OSCP1: variants seen among roughly 807,000 people sequenced by gnomAD.
The protein encoded by OSCP1 is organic solute carrier partner 1.
A neutral mutation model predicts 45.1 loss-of-function variants in OSCP1; 35 were observed. The ratio of observed to expected loss-of-function variants is 0.78; its 90% confidence interval spans 0.59 to 1.03. OSCP1 has a LOEUF of 1.03. Ranked by LOEUF, OSCP1 falls within the 50% of genes least tolerant of loss-of-function variation. The probability of loss-of-function intolerance (pLI) is 0.00; values close to 1 mark genes in which losing one functional copy is unlikely to be tolerated. For missense variants in OSCP1, 400 were observed against 470.7 expected, an observed-to-expected ratio of 0.85 and a Z score of 1.39; for synonymous variants, 179 against 180.1, an observed-to-expected ratio of 0.99 and a Z score of 0.05.
chr1:36,421,286 T>C (rs1219615867), intron 7 of OSCP1, among the ~76,000 whole-genome samples: 4 of 152,252 alleles, frequency 2.6e-5, no homozygotes, highest in African/African-American at 9.6e-5. Context: ...TCCATGATAC[T>C]GTGATCCGTT....
chr1:36,432,605 C>G lies in OSCP1; in HGVS notation c.268-16G>C. On this transcript the variant is annotated splice_polypyrimidine_tract_variant and intron_variant, in intron 2 of 9. Transcript: ENST00000235532. ...GGTCATAGAGCTGCCAACCCACACA[C>G]AAGCAAAAGAAATGGGATCATATCA... 3 of 1,614,026 alleles carry G rather than the reference C, an allele frequency of 1.9e-6. No homozygotes were observed. Among genetic ancestry groups the G allele is most frequent in the Non-Finnish European group, 2.5e-6 (3 of 1,179,962 alleles).
chr1:36,422,094 A>G, intron 7 of OSCP1, 56 bp downstream of exon 7: 1 of 1,520,878 alleles, frequency 6.6e-7, no homozygotes, highest in Non-Finnish European at 9.1e-7. Context: ...CTCTTTATGT[A>G]GACTTCCGTA....
At chr1:36,424,142 C>T (rs1301704071) in intron 4 of OSCP1, among the ~76,000 whole-genome samples, 1 of 151,964 alleles carries the variant, frequency 6.6e-6, no homozygotes, top group Non-Finnish European at 1.5e-5. Context: ...GATGGGTTTT[C>T]GCCATGTTGG....
intron 6 of OSCP1, 80 bp from the exon 7 acceptor site, chr1:36,422,299 G>T: frequency 7.6e-7 from 1 of 1,323,406 alleles, no homozygotes; most frequent in Non-Finnish European, 1.1e-6. Context: ...ATAGTTTGTA[G>T]CTTTTATTCT....
At chr1:36,445,307 G>A (rs773697524) in intron 1 of OSCP1, among the ~76,000 whole-genome samples, 17 of 150,124 alleles carry the variant, frequency 1.1e-4, no homozygotes, top group Non-Finnish European at 1.9e-4. Context: ...TGGAGACTAC[G>A]CCACTGGGCG....
intron 8 of OSCP1, among the ~76,000 whole-genome samples, chr1:36,419,977 CTTT>C (rs56851568): frequency 1.5e-5 from 2 of 136,226 alleles, no homozygotes; most frequent in Non-Finnish European, 1.6e-5. Flanking sequence ...CACACCGTCT[CTTT>C]TTTTTTTTTT....
chr1:36,449,951 A>G lies in OSCP1; in HGVS notation c.112+307T>C, dbSNP rs116464789. ...TAGATGGTGGGCAGCTGGGACTCCT[A>G]CATTTGGAAGGCACTGATTGACAAG... On this transcript the variant is annotated intron_variant, in intron 1 of 9. Transcript: ENST00000235532. Among the ~76,000 whole-genome samples the G allele has an allele frequency of 6.2e-3, 907 of 146,768 alleles. 8 individuals are homozygous for G. The highest frequency in any genetic ancestry group is 9.4e-3 in the Non-Finnish European group (634 of 67,276).
intron 1 of OSCP1, among the ~76,000 whole-genome samples, chr1:36,448,962 G>A (rs1055036483): frequency 3.3e-5 from 5 of 152,168 alleles, no homozygotes; most frequent in African/African-American, 9.7e-5. Context: ...GCTCATTGGC[G>A]GCAATGTGCA....
intron 9 of OSCP1, 98 bp from the exon 10 acceptor site, chr1:36,418,353 ATGTT>A: frequency 1.0e-6 from 1 of 966,840 alleles, no homozygotes; most frequent in Non-Finnish European, 1.6e-6. Flanking sequence ...CATGACTGAT[ATGTT>A]TCAGTTGCGC....
At chr1:36,423,771 G>A (rs1158497232) in intron 4 of OSCP1, among the ~76,000 whole-genome samples, 2 of 152,052 alleles carry the variant, frequency 1.3e-5, no homozygotes, top group Admixed American at 6.5e-5. Context: ...CTACTCAGGA[G>A]GCTGAGGCAG....
At chr1:36,450,127 T>G in intron 1 of OSCP1, 131 bp downstream of exon 1, 1 of 726,010 alleles carries the variant, frequency 1.4e-6, no homozygotes, top group Non-Finnish European at 2.3e-6. Context: ...TGGATGTGGC[T>G]TGTAAGAAAG....
In OSCP1 at chr1:36,418,078, T is replaced by TCCC. The variant is rs1340168992; in HGVS notation, c.*58_*60dup. On this transcript the variant is annotated 3_prime_UTR_variant, in exon 10 of 10. Coordinates refer to ENST00000235532, the MANE Select transcript of OSCP1 (RefSeq NM_145047.5). ...AGCATCATTCTGGGCCATGGGGCATTCCCCAGGGGTCACCATCCAGCAGCC... is the reference window on the plus strand; with the variant it reads ...AGCATCATTCTGGGCCATGGGGCATTCCCCCCCAGGGGTCACCATCCAGCAGCC... The TCCC allele has an allele frequency of 1.5e-6, 2 of 1,374,944 alleles. No homozygotes were observed. The highest frequency in any genetic ancestry group is 2.1e-6 in the Non-Finnish European group (2 of 974,124). The allele number at this position is 1,374,944 out of a possible 1,614,324, so 85.2% of individuals were successfully genotyped here. A position where few individuals can be genotyped will look rare whatever the true frequency, so the allele number is the denominator to read the frequency against.
chr1:36,428,235 T>G, intron 4 of OSCP1: 7 of 1,410,966 alleles, frequency 5.0e-6, no homozygotes, highest in Non-Finnish European at 6.5e-6. Context: ...GCATCAGAAT[T>G]GAAATCTATT....
At position 36,449,835 on chromosome 1, in the gene OSCP1, C is replaced by CAAAAAAAAAAAAA. The variant is rs67376533; in HGVS notation, c.112+410_112+422dup. Among the ~76,000 whole-genome samples, 9 of 20,332 alleles carry CAAAAAAAAAAAAA rather than the reference C, an allele frequency of 4.4e-4. 2 individuals are homozygous for CAAAAAAAAAAAAA. The highest frequency in any genetic ancestry group is 8.7e-4 in the African/African-American group (4 of 4,594). The allele number at this position is 20,332 out of a possible 152,430, so 13.3% of individuals were successfully genotyped here. ...TGGGCGACAGAGCGAGACCCTGTCT[C>CAAAAAAAAAAAAA]AAAAAAAAAAAAAAAAAAAAAAAAA... On this transcript the variant is annotated intron_variant, in intron 1 of 9. Transcript: ENST00000235532.
intron 4 of OSCP1, among the ~76,000 whole-genome samples, chr1:36,430,587 T>C (rs576158840): frequency 3.9e-5 from 6 of 151,914 alleles, no homozygotes; most frequent in South Asian, 4.2e-4. Flanking sequence ...CTGGGAAACA[T>C]AGTAAGACAC....
intron 2 of OSCP1, among the ~76,000 whole-genome samples, chr1:36,436,452 G>C (rs1055180521): frequency 2.0e-5 from 3 of 151,978 alleles, no homozygotes; most frequent in Non-Finnish European, 4.4e-5. Flanking sequence ...TGTTGCCAAG[G>C]CTGGTCTTGA....
intron 3 of OSCP1, 74 bp downstream of exon 3, chr1:36,432,348 G>A (rs1648421144): frequency 6.6e-7 from 1 of 1,513,972 alleles, no homozygotes; most frequent in East Asian, 2.3e-5. Context: ...CTCTGTCATA[G>A]ATCTACCTGT....
rs370263831 is a variant in OSCP1, at chr1:36,450,251, C to T, written c.112+7G>A. On this transcript the variant is annotated splice_region_variant and intron_variant, in intron 1 of 9. Coordinates refer to ENST00000235532, the MANE Select transcript of OSCP1 (RefSeq NM_145047.5). ...GGGTCTGGCTGAGCGGGCCGGGGGC[C>T]TCTCACCTTTGCGGGCCTTGTCTCC... The T allele has an allele frequency of 6.2e-7, 1 of 1,612,058 alleles. No homozygotes were observed. Among genetic ancestry groups the T allele is most frequent in the Non-Finnish European group, 8.5e-7 (1 of 1,178,522 alleles).
chr1:36,438,855 G>C lies in OSCP1; in HGVS notation c.168C>G (p.Phe56Leu). ...TCTTGGAGTAGAGCTCTTGAGGCTTGAATAATTCCTCCATAAACTTTCTAT... is the reference window on the plus strand; with the variant it reads ...TCTTGGAGTAGAGCTCTTGAGGCTTCAATAATTCCTCCATAAACTTTCTAT... ...MFNRKFMEEL[F>L]KPQELYSKKA... Residue 56 changes from phenylalanine (F) to leucine (L), a missense_variant, in exon 2 of 10, where the codon TTC (phenylalanine) becomes TTG (leucine). Coordinates refer to ENST00000235532, the MANE Select transcript of OSCP1 (RefSeq NM_145047.5). The C allele has an allele frequency of 1.2e-6, 2 of 1,614,186 alleles. No homozygotes were observed. Among genetic ancestry groups the C allele is most frequent in the Middle Eastern group, 1.6e-4 (1 of 6,062 alleles).
Sources: gnomAD v4.1 joint callset for allele counts (sites outside exome capture counted in the v4.1 genomes callset) on GRCh38, gnomAD v4.1.1 for gene constraint, MANE v1.5 for transcripts, NCBI Gene and HGNC (gene_info 2026-07-23, HGNC 2026-07-21) for gene names.